ADK: variants seen among roughly 807,000 people sequenced by gnomAD.
ADK encodes adenosine kinase.
A neutral mutation model predicts 44.7 loss-of-function variants in ADK; 24 were observed. The ratio of observed to expected loss-of-function variants is 0.54; its 90% CI spans 0.39 to 0.76. The LOEUF is 0.76. Among genes scored for constraint, ADK ranks in the 30% least tolerant of loss-of-function variants. The pLI, the probability that ADK is intolerant of heterozygous loss-of-function variation, is 0.00. For missense variants in ADK, 321 were observed against 425.1 expected, an observed-to-expected ratio of 0.76 and a Z score of 2.15; for synonymous variants, 128 against 142.6, an observed-to-expected ratio of 0.90 and a Z score of 0.73.
intron 9 of ADK, among the ~76,000 whole-genome samples, chr10:74,619,088 G>T (rs1193185300): frequency 6.8e-6 from 1 of 146,130 alleles, no homozygotes; most frequent in African/African-American, 2.5e-5. Flanking sequence ...CGAGCTTCAG[G>T]CTGTATATTT....
chr10:74,542,460 T>A (rs1366005233), intron 7 of ADK, among the ~76,000 whole-genome samples: 1 of 152,246 alleles, frequency 6.6e-6, no homozygotes, highest in African/African-American at 2.4e-5. Flanking sequence ...TTTGTGTATA[T>A]TGTCAAAACA....
chr10:74,215,094 A>G (rs529128667), intron 2 of ADK, among the ~76,000 whole-genome samples: 39 of 152,238 alleles, frequency 2.6e-4, no homozygotes, highest in African/African-American at 9.1e-4. Flanking sequence ...CCCGTCTTCT[A>G]TTCTTTGGAG....
rs144462289 is a variant in ADK, at chr10:74,645,014, G to A, written c.878-25169G>A. Among the ~76,000 whole-genome samples, 820 of 152,268 alleles carry A rather than the reference G, an allele frequency of 5.4e-3. 1 individual carries two copies. The highest frequency in any genetic ancestry group is 0.019 in the African/African-American group (790 of 41,548). On this transcript the variant is annotated intron_variant, in intron 9 of 10. Transcript: ENST00000539909. ...ATTAACTTCTAGGTAGTACAGAGCA[G>A]CCCACTGTGTTTCACTTTTGTATTA...
intron 6 of ADK, among the ~76,000 whole-genome samples, chr10:74,452,315 A>G (rs1221145548): frequency 6.6e-6 from 1 of 151,998 alleles, no homozygotes; most frequent in African/African-American, 2.4e-5. Flanking sequence ...AATTTATGGA[A>G]TGAGGCTTTG....
At chr10:74,486,342 T>G (rs908738636) in intron 6 of ADK, among the ~76,000 whole-genome samples, 9 of 152,116 alleles carry the variant, frequency 5.9e-5, no homozygotes, top group South Asian at 2.1e-4. Flanking sequence ...TCTTTTTTCT[T>G]TAGAAAATAC....
intron 4 of ADK, among the ~76,000 whole-genome samples, chr10:74,315,056 T>C (rs1351485719): frequency 1.3e-5 from 2 of 152,094 alleles, no homozygotes; most frequent in African/African-American, 4.8e-5. Flanking sequence ...ATAGTATTCC[T>C]TTTTATTTTA....
intron 2 of ADK, among the ~76,000 whole-genome samples, chr10:74,208,443 T>C (rs11000920): frequency 0.5 from 76,528 of 152,200 alleles, 20,341 homozygotes; most frequent in Non-Finnish European, 0.59. Context: ...TTCTTTGTTT[T>C]ACATGTTTTA....
chr10:74,408,762 T>A (rs186073656), intron 6 of ADK, among the ~76,000 whole-genome samples: 103 of 152,240 alleles, frequency 6.8e-4, no homozygotes, highest in Non-Finnish European at 1.1e-3. Context: ...GGAATGAAAA[T>A]ATATTATTAT....
intron 7 of ADK, among the ~76,000 whole-genome samples, chr10:74,576,267 C>T (rs919546559): frequency 2.0e-5 from 3 of 151,922 alleles, no homozygotes; most frequent in South Asian, 2.1e-4. Context: ...TCTAAAATAT[C>T]GATGAAGTCT....
chr10:74,442,273 G>A (rs1485578742), intron 6 of ADK, among the ~76,000 whole-genome samples: 1 of 151,822 alleles, frequency 6.6e-6, no homozygotes, highest in Non-Finnish European at 1.5e-5. Flanking sequence ...TTGGCACAGA[G>A]ATTATGAAAA....
chr10:74,201,676 G>GTATGTATGTATGTATC (rs1375192485), intron 2 of ADK, among the ~76,000 whole-genome samples: 3 of 117,468 alleles, frequency 2.6e-5, no homozygotes, highest in African/African-American at 9.7e-5. Context: ...ATGTATGTAT[G>GTATGTATGTATGTATC]TATCTATCTA....
chr10:74,224,497 G>A, intron 2 of ADK, 41 bp from the exon 3 acceptor site: 1 of 1,523,980 alleles, frequency 6.6e-7, no homozygotes, highest in Non-Finnish European at 9.1e-7. Context: ...CGTTGACACT[G>A]TGTGTGTATG....
In ADK at chr10:74,595,671, C is replaced by CAGCGAGAAATGAAAAAT. The variant is rs1564810510; in HGVS notation, c.763-4707_763-4706insGCGAGAAATGAAAAATA. ...GATTACAAGCGTGAGCTACCGCGCC[C>CAGCGAGAAATGAAAAAT]ATCGCCATATCAGTTCAACAGATTA... On this transcript the variant is annotated intron_variant, in intron 8 of 10. Coordinates refer to ENST00000539909, the MANE Select transcript of ADK (RefSeq NM_006721.4). Among the ~76,000 whole-genome samples the CAGCGAGAAATGAAAAAT allele has an allele frequency of 4.6e-3, 144 of 31,354 alleles. 72 individuals are homozygous for CAGCGAGAAATGAAAAAT. The highest frequency in any genetic ancestry group is 6.2e-3 in the South Asian group (4 of 650). The allele number at this position is 31,354 out of a possible 152,430, so 20.6% of individuals were successfully genotyped here.
intron 4 of ADK, among the ~76,000 whole-genome samples, chr10:74,365,634 T>G (rs1186339126): frequency 6.6e-6 from 1 of 152,218 alleles, no homozygotes; most frequent in Non-Finnish European, 1.5e-5. Flanking sequence ...CAAGGCTAAT[T>G]TAATTTCCTC....
At chr10:74,459,093 A>G (rs972717123) in intron 6 of ADK, among the ~76,000 whole-genome samples, 2 of 152,014 alleles carry the variant, frequency 1.3e-5, no homozygotes, top group Non-Finnish European at 2.9e-5. Flanking sequence ...AGCCTGGCCA[A>G]CATGGCAAAA....
intron 3 of ADK, among the ~76,000 whole-genome samples, chr10:74,312,914 CAAAA>C (rs56052959): frequency 2.4e-3 from 92 of 37,828 alleles, no homozygotes; most frequent in African/African-American, 7.9e-3. Flanking sequence ...ATTCTGTCTC[CAAAA>C]AAAAAAAAAA....
Position 74,218,395 on chromosome 10 carries a change from G to T in ADK, c.141-6143G>T, listed in dbSNP as rs547742392. On this transcript the variant is annotated intron_variant, in intron 2 of 10. Transcript: ENST00000539909. ...GAAAAGACCAAATCTACGTCTGATT[G>T]GTGTACCTGAAAGTGACGGGGAGAA... 4.5e-4 allele frequency among the ~76,000 whole-genome samples: 69 copies of T among 152,316 alleles called. 1 individual carries two copies. Among genetic ancestry groups the T allele is most frequent in the South Asian group, 1.2e-3 (6 of 4,828 alleles).
intron 8 of ADK, among the ~76,000 whole-genome samples, chr10:74,590,294 T>TA (rs1205895194): frequency 6.6e-6 from 1 of 152,194 alleles, no homozygotes; most frequent in Non-Finnish European, 1.5e-5. Context: ...CAGTATTGTC[T>TA]ATCAAACAGG....
intron 6 of ADK, among the ~76,000 whole-genome samples, chr10:74,523,035 T>C (rs10824197): frequency 0.12 from 18,573 of 152,050 alleles, 1,208 homozygotes; most frequent in Middle Eastern, 0.17. Flanking sequence ...TAGCAACATA[T>C]CTGGAGTCAT....
Sources: gnomAD v4.1 joint callset for allele counts (sites outside exome capture counted in the v4.1 genomes callset) on GRCh38, gnomAD v4.1.1 for gene constraint, MANE v1.5 for transcripts, NCBI Gene and HGNC (gene_info 2026-07-23, HGNC 2026-07-21) for gene names.